DLG2: variants seen among roughly 807,000 people sequenced by gnomAD.
DLG2 encodes discs large MAGUK scaffold protein 2, also known as disks large homolog 2.
Under a neutral mutation model 132.5 loss-of-function variants are expected in DLG2, and 45 were observed. The observed-to-expected ratio is 0.34, with a 90% CI of 0.27 to 0.44. The LOEUF (loss-of-function observed/expected upper bound fraction) is 0.44, where lower values mean the gene tolerates loss of function less well. DLG2 is among the 20% of genes least tolerant of loss of function. DLG2 has a pLI of 1.00. For missense variants in DLG2, 1,045 were observed against 1,196.9 expected (o/e 0.87, Z 1.87); for synonymous variants, 424 against 419.6 (o/e 1.01, Z -0.13).
chr11:84,267,283 G>A (rs891953226), intron 7 of DLG2, among the ~76,000 whole-genome samples: 3 of 152,160 alleles, frequency 2.0e-5, no homozygotes, highest in African/African-American at 7.2e-5. Flanking sequence ...TTCCTCAGGG[G>A]GATGTTAATC....
chr11:85,111,407 C>T (rs1263953179), intron 6 of DLG2, among the ~76,000 whole-genome samples: 6 of 152,064 alleles, frequency 3.9e-5, no homozygotes, highest in Admixed American at 1.3e-4. Context: ...AATGACCTTC[C>T]AACTCTAACT....
chr11:84,758,831 C>A (rs1597450716), intron 6 of DLG2, among the ~76,000 whole-genome samples: 1 of 152,240 alleles, frequency 6.6e-6, no homozygotes, highest in East Asian at 1.9e-4. Flanking sequence ...GTAAAGATTA[C>A]TTTTCTACAA....
At chr11:83,725,612 A>G (rs1169313068) in intron 18 of DLG2, among the ~76,000 whole-genome samples, 1 of 152,266 alleles carries the variant, frequency 6.6e-6, no homozygotes, top group African/African-American at 2.4e-5. Flanking sequence ...AATTTGAACC[A>G]GGAAAACTTG....
chr11:83,843,363 G>A (rs967110704), intron 16 of DLG2, among the ~76,000 whole-genome samples: 1 of 152,114 alleles, frequency 6.6e-6, no homozygotes, highest in African/African-American at 2.4e-5. Flanking sequence ...CCTCTCTGCT[G>A]TCCCCTCTAC....
chr11:85,458,284 A>C (rs963772774), intron 3 of DLG2, among the ~76,000 whole-genome samples: 2 of 150,880 alleles, frequency 1.3e-5, no homozygotes, highest in Non-Finnish European at 3.0e-5. Context: ...AGCTCTATCA[A>C]ATCTGTTTGG....
At chr11:84,036,590 T>A (rs866905013) in intron 11 of DLG2, among the ~76,000 whole-genome samples, 3 of 152,150 alleles carry the variant, frequency 2.0e-5, no homozygotes. Flanking sequence ...CTCACAATTA[T>A]GTTTTCTTAC....
intron 3 of DLG2, among the ~76,000 whole-genome samples, chr11:85,571,529 T>A (rs2077843800): frequency 6.6e-6 from 1 of 152,190 alleles, no homozygotes; most frequent in South Asian, 2.1e-4. Flanking sequence ...AGCCTTCATA[T>A]TCTGATTCTG....
rs535900573 is a variant in DLG2 at position 83,933,223 on chromosome 11, G to A, written c.1341-2740C>T. 7.0e-4 allele frequency among the ~76,000 whole-genome samples: 106 copies of A among 152,314 alleles called. 5 individuals are homozygous for A. The South Asian group carries it at 0.02, about 29-fold the overall frequency. The stretch of plus-strand genomic sequence containing the variant: ...CCAAGGGGAAATGACTTTTGGCAGC[G>A]TGAATCAGCCAGTCATAATTGAAAG... On this transcript the variant is annotated intron_variant, in intron 14 of 27. Coordinates refer to ENST00000376104, the MANE Select transcript of DLG2 (RefSeq NM_001142699.3).
At chr11:84,764,041 T>G (rs1306966851) in intron 6 of DLG2, among the ~76,000 whole-genome samples, 1 of 152,158 alleles carries the variant, frequency 6.6e-6, no homozygotes, top group Non-Finnish European at 1.5e-5. Flanking sequence ...CCTAGAGAGC[T>G]TGCAGTTTAT....
chr11:84,207,091 A>ATG (rs1356821054), intron 8 of DLG2, among the ~76,000 whole-genome samples: 4 of 151,542 alleles, frequency 2.6e-5, no homozygotes, highest in African/African-American at 7.3e-5. Context: ...CTATATATAT[A>ATG]TATGTATGTA....
intron 3 of DLG2, among the ~76,000 whole-genome samples, chr11:85,446,813 G>A (rs1420845417): frequency 6.6e-6 from 1 of 151,758 alleles, no homozygotes; most frequent in Non-Finnish European, 1.5e-5. Flanking sequence ...GTGTGTGTGT[G>A]TGTGTGTGTG....
chr11:84,055,155 C>G (rs968283940), intron 11 of DLG2, among the ~76,000 whole-genome samples: 3 of 152,020 alleles, frequency 2.0e-5, no homozygotes, highest in African/African-American at 7.2e-5. Context: ...CCTCTGTCCT[C>G]AGAGATTCCT....
At chr11:84,180,336 C>G (rs2096082718) in intron 8 of DLG2, among the ~76,000 whole-genome samples, 1 of 151,880 alleles carries the variant, frequency 6.6e-6, no homozygotes, top group Non-Finnish European at 1.5e-5. Flanking sequence ...GAAAAAAAGA[C>G]AAGACACAGA....
rs183841914 is a variant in DLG2 at position 85,449,191 on chromosome 11, T to G, written c.40+149466A>C. On this transcript the variant is annotated intron_variant, in intron 3 of 27. Transcript: ENST00000376104. ...CCTTGGTTAGAATTTTTATGCTTCC[T>G]GAAACAGAGAATTATGTCTTCCATC... 1.4e-4 allele frequency among the ~76,000 whole-genome samples: 21 copies of G among 152,280 alleles called. 1 individual carries two copies. Among genetic ancestry groups the G allele is most frequent in the African/African-American group, 4.1e-4 (17 of 41,580 alleles).
chr11:84,881,797 G>A (rs1206951146), intron 6 of DLG2, among the ~76,000 whole-genome samples: 5 of 152,078 alleles, frequency 3.3e-5, no homozygotes, highest in Non-Finnish European at 7.4e-5. Flanking sequence ...AATAAAGTAA[G>A]CAACTGGAAG....
intron 7 of DLG2, among the ~76,000 whole-genome samples, chr11:84,358,128 ATTAT>A (rs2098628760): frequency 6.6e-6 from 1 of 152,094 alleles, no homozygotes; most frequent in Non-Finnish European, 1.5e-5. Flanking sequence ...CATGTCAGCC[ATTAT>A]TTAAACACAT....
chr11:83,874,564 T>G, intron 15 of DLG2, 76 bp from the exon 16 acceptor site: 1 of 1,201,638 alleles, frequency 8.3e-7, no homozygotes, highest in Non-Finnish European at 1.1e-6. Flanking sequence ...TACTTTAAGT[T>G]TTAGGGTACA....
intron 4 of DLG2, among the ~76,000 whole-genome samples, chr11:85,284,460 A>C (rs77064402): frequency 0.043 from 6,576 of 151,930 alleles, 179 homozygotes; most frequent in East Asian, 0.094. Context: ...AGTTGGCTAC[A>C]TGACTCCAAT....
intron 19 of DLG2, among the ~76,000 whole-genome samples, chr11:83,554,305 G>C (rs560890673): frequency 2.6e-5 from 4 of 152,268 alleles, no homozygotes; most frequent in African/African-American, 9.6e-5. Context: ...TTTGGCAACA[G>C]GATAATGGAA....
Sources: allele counts gnomAD v4.1 joint callset (sites outside exome capture counted in the v4.1 genomes callset), GRCh38; gene constraint gnomAD v4.1.1; transcripts MANE v1.5; gene names NCBI Gene and HGNC (gene_info 2026-07-23, HGNC 2026-07-21).